The following KHDRBS2 variants were observed in gnomAD, a reference collection of about 807,000 sequenced individuals.
The protein encoded by KHDRBS2 is KH domain-containing, RNA-binding, signal transduction-associated protein 2.
KHDRBS2 carries 26 observed loss-of-function variants against 44.3 expected under a neutral mutation model. That is an observed-to-expected ratio of 0.59 (90% CI 0.43 to 0.81). KHDRBS2 has a LOEUF of 0.81. Ranked by LOEUF, KHDRBS2 falls within the 40% of genes least tolerant of loss-of-function variation. The pLI, the probability that KHDRBS2 is intolerant of heterozygous loss-of-function variation, is 0.00. For synonymous variants in KHDRBS2, 194 were observed against 151.1 expected (o/e 1.28, Z -2.08); for missense variants, 476 against 433.1 (o/e 1.10, Z -0.88).
At chr6:62,136,091 G>A (rs1811463635) in intron 2 of KHDRBS2, among the ~76,000 whole-genome samples, 1 of 151,882 alleles carries the variant, frequency 6.6e-6, no homozygotes. Flanking sequence ...AGGTAACTAG[G>A]TGAGATGATA....
intron 1 of KHDRBS2, among the ~76,000 whole-genome samples, chr6:62,285,416 G>T (rs562042314): frequency 6.6e-6 from 1 of 152,216 alleles, no homozygotes; most frequent in East Asian, 1.9e-4. Flanking sequence ...TTTGATTAAA[G>T]GGTATCAAAA....
At chr6:62,054,689 A>T (rs1789864904) in intron 2 of KHDRBS2, among the ~76,000 whole-genome samples, 18 of 152,022 alleles carry the variant, frequency 1.2e-4, no homozygotes. Context: ...CCAAAGAATG[A>T]AGGCAGCTTC....
intron 3 of KHDRBS2, among the ~76,000 whole-genome samples, chr6:62,041,969 T>C (rs77415420): frequency 1.3e-5 from 2 of 152,130 alleles, no homozygotes; most frequent in East Asian, 3.9e-4. Flanking sequence ...ATTTGAGAAA[T>C]TGTCTCACAA....
chr6:62,113,208 A>G (rs1468811883), intron 2 of KHDRBS2, among the ~76,000 whole-genome samples: 1 of 152,110 alleles, frequency 6.6e-6, no homozygotes, highest in African/African-American at 2.4e-5. Context: ...CTTTAAGCAC[A>G]TATTATGTCC....
rs556782064 is a variant in KHDRBS2, at chr6:61,835,458, T to C, written c.810+59177A>G. ...TTCTTTCTTCCATAGTACAGAGATA[T>C]TGCCATCAGCTACAGCCATTTCACA... On this transcript the variant is annotated intron_variant, in intron 6 of 8. Coordinates refer to ENST00000281156, the MANE Select transcript of KHDRBS2 (RefSeq NM_152688.4). Among the ~76,000 whole-genome samples the C allele has an allele frequency of 2.0e-5, 3 of 152,092 alleles. No individual in the cohort carries two copies. The South Asian group carries it at 6.2e-4, about 32-fold the overall frequency.
the KHDRBS2 span, among the ~76,000 whole-genome samples, chr6:61,673,293 T>A: frequency 5.9e-5 from 9 of 152,020 alleles, no homozygotes; most frequent in African/African-American, 1.7e-4. Context: ...TGCCTCCCGC[T>A]ATGACAAACC....
At chr6:61,814,169 C>A (rs1183961608) in intron 6 of KHDRBS2, among the ~76,000 whole-genome samples, 1 of 152,168 alleles carries the variant, frequency 6.6e-6, no homozygotes, top group African/African-American at 2.4e-5. Context: ...CAAGTGAATT[C>A]TTCAGGATGG....
intron 6 of KHDRBS2, among the ~76,000 whole-genome samples, chr6:61,741,442 T>G (rs1776121591): frequency 6.6e-6 from 1 of 151,942 alleles, no homozygotes; most frequent in Admixed American, 6.6e-5. Flanking sequence ...TTTTATTACA[T>G]CACTGACAGT....
At chr6:62,133,136 G>A (rs1210641988) in intron 2 of KHDRBS2, among the ~76,000 whole-genome samples, 3 of 152,162 alleles carry the variant, frequency 2.0e-5, no homozygotes, top group Non-Finnish European at 4.4e-5. Context: ...TAGTGAGGGT[G>A]TGGAGAATGG....
chr6:62,109,523 C>G (rs72886129), intron 2 of KHDRBS2, among the ~76,000 whole-genome samples: 1 of 151,778 alleles, frequency 6.6e-6, no homozygotes, highest in African/African-American at 2.4e-5. Flanking sequence ...ACAGATGACT[C>G]TCAACTGTGT....
chr6:62,109,614 A>G (rs1327639962), intron 2 of KHDRBS2, among the ~76,000 whole-genome samples: 1 of 152,064 alleles, frequency 6.6e-6, no homozygotes. Context: ...AATATATAAA[A>G]GATCATATAG....
At chr6:61,837,759 C>A (rs1792943512) in intron 6 of KHDRBS2, among the ~76,000 whole-genome samples, 1 of 151,976 alleles carries the variant, frequency 6.6e-6, no homozygotes. Flanking sequence ...TTCCAACCAA[C>A]TTCTGTGAAC....
At chr6:62,143,083 A>G (rs886594502) in intron 2 of KHDRBS2, among the ~76,000 whole-genome samples, 4 of 151,928 alleles carry the variant, frequency 2.6e-5, no homozygotes, top group Non-Finnish European at 5.9e-5. Flanking sequence ...GTTACCTTAA[A>G]GCTAATTATA....
chr6:61,619,207 C>T, the KHDRBS2 span, among the ~76,000 whole-genome samples: 3 of 151,944 alleles, frequency 2.0e-5, no homozygotes, highest in Non-Finnish European at 4.4e-5. Context: ...TTTTAGTACA[C>T]CCATCACCCA....
At chr6:62,042,560 T>C (rs751964997) in intron 3 of KHDRBS2, among the ~76,000 whole-genome samples, 29 of 152,216 alleles carry the variant, frequency 1.9e-4, no homozygotes, top group Middle Eastern at 3.4e-3. Flanking sequence ...GCAATGAGCA[T>C]GACTTCACCC....
At chr6:62,219,628 A>T (rs895808996) in intron 1 of KHDRBS2, among the ~76,000 whole-genome samples, 1 of 151,286 alleles carries the variant, frequency 6.6e-6, no homozygotes, top group Non-Finnish European at 1.5e-5. Flanking sequence ...ATTTTAAAAT[A>T]TGGAATCGAT....
chr6:62,068,457 G>C (rs1372706269), intron 2 of KHDRBS2, among the ~76,000 whole-genome samples: 1 of 151,196 alleles, frequency 6.6e-6, no homozygotes, highest in Non-Finnish European at 1.5e-5. Context: ...CATTCTTTGG[G>C]CTGTGTTTTC....
At chr6:61,602,149 A>C in the KHDRBS2 span, among the ~76,000 whole-genome samples, 1 of 152,272 alleles carries the variant, frequency 6.6e-6, no homozygotes, top group Middle Eastern at 3.4e-3. Context: ...TCCAAAAATT[A>C]AATTCTGGCC....
chr6:61,937,131 T>A (rs1028607048), intron 4 of KHDRBS2, among the ~76,000 whole-genome samples: 2 of 151,968 alleles, frequency 1.3e-5, no homozygotes, highest in African/African-American at 4.8e-5. Context: ...ATTCTGGTCA[T>A]CTTCTCAGGT....
Sources: gnomAD v4.1 joint callset for allele counts (sites outside exome capture counted in the v4.1 genomes callset) on GRCh38, gnomAD v4.1.1 for gene constraint, MANE v1.5 for transcripts, NCBI Gene and HGNC (gene_info 2026-07-23, HGNC 2026-07-21) for gene names.